The following ADAM12 variants were observed in gnomAD, a reference collection of about 807,000 sequenced individuals.
ADAM12 encodes ADAM metallopeptidase domain 12.
Under a neutral mutation model 106.4 loss-of-function variants are expected in ADAM12, and 70 were observed. The observed-to-expected ratio is 0.66, with a 90% CI of 0.54 to 0.80. The LOEUF is 0.80. ADAM12 is among the 30% of genes least tolerant of loss of function. The probability of loss-of-function intolerance (pLI) is 0.00; values close to 1 mark genes in which losing one functional copy is unlikely to be tolerated. For missense variants in ADAM12, 1,010 were observed against 1,171.9 expected, an observed-to-expected ratio of 0.86 and a Z score of 2.02; for synonymous variants, 420 against 433.5, an observed-to-expected ratio of 0.97 and a Z score of 0.39.
rs148462308 is a variant in ADAM12, at chr10:126,150,132, A to G, written c.339+5095T>C. Among the ~76,000 whole-genome samples, 882 of 152,354 alleles carry G rather than the reference A, an allele frequency of 5.8e-3. 9 individuals are homozygous for G. Among genetic ancestry groups the G allele is most frequent in the African/African-American group, 0.02 (850 of 41,584 alleles). On this transcript the variant is annotated intron_variant, in intron 4 of 22. Transcript: ENST00000448723. ...CTGTTCACCATCATAGATCGTGGAC[A>G]TTTGGAAGACCGGAGCCTATTGTTG... is the stretch of plus-strand genomic sequence containing the variant.
chr10:126,163,408 C>T (rs10794064), intron 3 of ADAM12, among the ~76,000 whole-genome samples: 103,689 of 152,044 alleles, frequency 0.68, 36,197 homozygotes, highest in African/African-American at 0.78. Context: ...AATCTTTGGA[C>T]ATACTGGCTG....
chr10:126,263,161 T>C lies in ADAM12; in HGVS notation c.260+15754A>G, dbSNP rs553817109. Among the ~76,000 whole-genome samples the C allele has an allele frequency of 1.6e-4, 24 of 152,324 alleles. 2 individuals are homozygous for C. The highest frequency in any genetic ancestry group is 1.2e-3 in the Admixed American group (18 of 15,300). ...GCCACATGCCCTGCATGATTCCTCA[T>C]CTAGTGTTGTAAGCATGATTTCTGC... is the stretch of plus-strand genomic sequence containing the variant. On this transcript the variant is annotated intron_variant, in intron 3 of 22. Coordinates refer to ENST00000448723, the MANE Select transcript of ADAM12 (RefSeq NM_001288973.2).
intron 2 of ADAM12, among the ~76,000 whole-genome samples, chr10:126,284,804 T>C (rs192480379): frequency 6.6e-6 from 1 of 152,354 alleles, no homozygotes; most frequent in East Asian, 1.9e-4. Flanking sequence ...AGTGTGGCCA[T>C]TGTATGTCTG....
intron 3 of ADAM12, among the ~76,000 whole-genome samples, chr10:126,167,106 T>A (rs1957038383): frequency 6.6e-6 from 1 of 152,226 alleles, no homozygotes; most frequent in South Asian, 2.1e-4. Flanking sequence ...AGCAACAGCA[T>A]CAGTCACTAA....
chr10:126,063,929 G>T (rs941786596), intron 14 of ADAM12, among the ~76,000 whole-genome samples: 1 of 152,216 alleles, frequency 6.6e-6, no homozygotes, highest in Non-Finnish European at 1.5e-5. Flanking sequence ...TTGGAGCTTT[G>T]GTGGAGCTTT....
Position 126,017,128 on chromosome 10 carries a change from G to A in ADAM12, c.*151C>T. 1 of 674,908 alleles carries A rather than the reference G, an allele frequency of 1.5e-6. No homozygotes were observed. The highest frequency in any genetic ancestry group is 2.6e-6 in the Non-Finnish European group (1 of 391,420). 41.8% of individuals were successfully genotyped at this position (674,908 alleles called of 1,614,324 possible). A position where few individuals can be genotyped will look rare whatever the true frequency, so the allele number is the denominator to read the frequency against. On this transcript the variant is annotated 3_prime_UTR_variant, in exon 23 of 23. Coordinates refer to ENST00000448723, the MANE Select transcript of ADAM12 (RefSeq NM_001288973.2). Reference sequence around the variant, plus strand: ...CAAGTAGACAGAGCACCATAGCACAGCACAGCACTGACGGCAGTAGCTCAA... The same window carrying A: ...CAAGTAGACAGAGCACCATAGCACAACACAGCACTGACGGCAGTAGCTCAA...
At position 126,381,617 on chromosome 10, in the gene ADAM12, T is replaced by C. The variant is rs1856496009; in HGVS notation, c.88+6441A>G. Reference sequence around the variant, plus strand: ...TTCAAGCGATTCTCCTGCCTCAGCCTCTGGAGTAGCTGGGATTACAGGTGC... The same window carrying C: ...TTCAAGCGATTCTCCTGCCTCAGCCCCTGGAGTAGCTGGGATTACAGGTGC... On this transcript the variant is annotated intron_variant, in intron 1 of 22. Coordinates refer to ENST00000448723, the MANE Select transcript of ADAM12 (RefSeq NM_001288973.2). Among the ~76,000 whole-genome samples, 3 of 152,110 alleles carry C rather than the reference T, an allele frequency of 2.0e-5. No individual in the cohort carries two copies. The South Asian group carries it at 6.2e-4, about 32-fold the overall frequency.
chr10:126,031,418 G>A (rs1400215430), intron 21 of ADAM12, among the ~76,000 whole-genome samples: 3 of 152,184 alleles, frequency 2.0e-5, no homozygotes, highest in African/African-American at 7.2e-5. Flanking sequence ...TCATTTTGTT[G>A]AACAGTTTGA....
intron 16 of ADAM12, among the ~76,000 whole-genome samples, chr10:126,047,649 T>C (rs1160052350): frequency 6.6e-6 from 1 of 152,268 alleles, no homozygotes; most frequent in African/African-American, 2.4e-5. Flanking sequence ...AAACAACAGA[T>C]GCTGGCAAGG....
chr10:126,057,599 A>G (rs1382009369), intron 14 of ADAM12, among the ~76,000 whole-genome samples: 1 of 152,132 alleles, frequency 6.6e-6, no homozygotes, highest in African/African-American at 2.4e-5. Context: ...CCAAACTCCA[A>G]TGTTAGGTTG....
In ADAM12 at chr10:126,118,423, T is replaced by C. The variant is rs544139883; in HGVS notation, c.417-199A>G. On this transcript the variant is annotated intron_variant, in intron 5 of 22. Transcript: ENST00000448723. ...TGGCAAATCTTTTGGAAAGTTAGCCTAGGAATTTTCTTCTGTTTGAAATAT... is the reference window on the plus strand; with the variant it reads ...TGGCAAATCTTTTGGAAAGTTAGCCCAGGAATTTTCTTCTGTTTGAAATAT... 3.7e-4 allele frequency among the ~76,000 whole-genome samples: 57 copies of C among 152,330 alleles called. 1 individual carries two copies. The South Asian group carries it at 0.011, about 30-fold the overall frequency.
Position 126,124,069 on chromosome 10 carries a change from C to T in ADAM12, c.417-5845G>A, listed in dbSNP as rs996531815. On this transcript the variant is annotated intron_variant, in intron 5 of 22. Coordinates refer to ENST00000448723, the MANE Select transcript of ADAM12 (RefSeq NM_001288973.2). ...GCCACGATGCAGCAGGCACCGGGGC[C>T]GCTTAATGTCTGATCCTGATTTTTT... is the stretch of plus-strand genomic sequence containing the variant. Among the ~76,000 whole-genome samples, 12 of 152,226 alleles carry T rather than the reference C, an allele frequency of 7.9e-5. No homozygotes were observed. The South Asian group carries it at 1.9e-3, about 24-fold the overall frequency.
intron 2 of ADAM12, among the ~76,000 whole-genome samples, chr10:126,304,391 G>A (rs1960754704): frequency 1.3e-5 from 2 of 151,628 alleles, no homozygotes; most frequent in Non-Finnish European, 2.9e-5. Context: ...ATAAAGAACA[G>A]CAACTTCAAA....
chr10:126,223,872 G>A (rs905886261), intron 3 of ADAM12, among the ~76,000 whole-genome samples: 2 of 152,180 alleles, frequency 1.3e-5, no homozygotes, highest in African/African-American at 4.8e-5. Flanking sequence ...GGCCAATGCT[G>A]GTACTACACC....
intron 11 of ADAM12, among the ~76,000 whole-genome samples, chr10:126,082,369 T>TTTTG (rs1955240015): frequency 1.4e-5 from 2 of 142,578 alleles, no homozygotes; most frequent in African/African-American, 2.7e-5. Context: ...GACTGTTTTT[T>TTTTG]TTTTTTTTTT....
Position 126,251,407 on chromosome 10 carries a change from G to A in ADAM12, c.260+27508C>T, listed in dbSNP as rs988513061. 5.3e-5 allele frequency among the ~76,000 whole-genome samples: 7 copies of A among 131,852 alleles called. No individual in the cohort carries two copies. The Admixed American group carries it at 6.4e-4, about 12-fold the overall frequency. The allele number at this position is 131,852 out of a possible 152,430, so 86.5% of individuals were successfully genotyped here. A position where few individuals can be genotyped will look rare whatever the true frequency, so the allele number is the denominator to read the frequency against. ...GTTAAAGAACTTGCCCAAGGTCACT[G>A]TCTTGGTCAAAATTCTCCAGAGAAA... On this transcript the variant is annotated intron_variant, in intron 3 of 22. Transcript: ENST00000448723.
At chr10:126,177,682 A>C (rs1957243314) in intron 3 of ADAM12, among the ~76,000 whole-genome samples, 2 of 152,256 alleles carry the variant, frequency 1.3e-5, no homozygotes, top group Admixed American at 6.5e-5. Context: ...CCAGGGAAGA[A>C]TGCGGATACA....
intron 3 of ADAM12, among the ~76,000 whole-genome samples, chr10:126,177,340 G>A (rs1208046205): frequency 2.0e-5 from 3 of 151,456 alleles, no homozygotes; most frequent in African/African-American, 4.9e-5. Flanking sequence ...TAATGATGAC[G>A]GCCACCGTTT....
intron 12 of ADAM12, chr10:126,067,021 C>T: frequency 5.7e-6 from 3 of 524,210 alleles, no homozygotes; most frequent in Non-Finnish European, 1.0e-5. Context: ...AAGCCAGTAG[C>T]ACACAAGTGC....
Sources: allele counts gnomAD v4.1 joint callset (sites outside exome capture counted in the v4.1 genomes callset), GRCh38; gene constraint gnomAD v4.1.1; transcripts MANE v1.5; gene names NCBI Gene and HGNC (gene_info 2026-07-23, HGNC 2026-07-21).